NKAIN3: variants seen among roughly 807,000 people sequenced by gnomAD.
The protein encoded by NKAIN3 is sodium/potassium-transporting ATPase subunit beta-1-interacting protein 3.
Under a neutral mutation model 30.2 loss-of-function variants are expected in NKAIN3, and 25 were observed. The ratio of observed to expected loss-of-function variants is 0.83; its 90% CI spans 0.60 to 1.16. NKAIN3 has a LOEUF of 1.16. NKAIN3 is among the 50% of genes most tolerant of loss of function. NKAIN3 has a pLI of 0.00. For missense variants in NKAIN3, 225 were observed against 254.1 expected (o/e 0.89, Z 0.78); for synonymous variants, 91 against 89.6 (o/e 1.02, Z -0.09).
chr8:62,435,456 A>G (rs1805140134), intron 1 of NKAIN3, among the ~76,000 whole-genome samples: 1 of 152,070 alleles, frequency 6.6e-6, no homozygotes, highest in Non-Finnish European at 1.5e-5. Context: ...TAAAAATAAA[A>G]AGATGTAATC....
At chr8:62,462,680 T>C (rs1806034344) in intron 1 of NKAIN3, among the ~76,000 whole-genome samples, 1 of 152,136 alleles carries the variant, frequency 6.6e-6, no homozygotes, top group South Asian at 2.1e-4. Context: ...GAGACATATA[T>C]ATATTTACCT....
intron 1 of NKAIN3, among the ~76,000 whole-genome samples, chr8:62,465,555 T>TCCTA (rs1434688486): frequency 6.6e-6 from 1 of 152,242 alleles, no homozygotes; most frequent in Admixed American, 6.5e-5. Flanking sequence ...ATAGTCATTT[T>TCCTA]CCTATATTAA....
rs1167364403 is a variant in NKAIN3 at position 62,472,911 on chromosome 8, T to A, written c.55-106628T>A. ...AAGGTGCTCAAAGGGGAGACTTGAGTTTCTGCTGCATGAGCTGCACCAACA... is the reference window on the plus strand; with the variant it reads ...AAGGTGCTCAAAGGGGAGACTTGAGATTCTGCTGCATGAGCTGCACCAACA... On this transcript the variant is annotated intron_variant, in intron 1 of 6. Transcript: ENST00000623646. 2.0e-5 allele frequency among the ~76,000 whole-genome samples: 3 copies of A among 152,108 alleles called. No individual in the cohort carries two copies. The East Asian group carries it at 5.8e-4, about 29-fold the overall frequency.
chr8:62,389,932 C>G (rs1286537774), intron 1 of NKAIN3, among the ~76,000 whole-genome samples: 2 of 152,180 alleles, frequency 1.3e-5, no homozygotes, highest in Non-Finnish European at 2.9e-5. Context: ...CCAAACTGAA[C>G]AGAGAGCGTA....
intron 4 of NKAIN3, among the ~76,000 whole-genome samples, chr8:62,907,617 C>T (rs775048227): frequency 6.6e-6 from 1 of 152,138 alleles, no homozygotes; most frequent in Non-Finnish European, 1.5e-5. Flanking sequence ...TGGTGCCCTG[C>T]ATCCCAGTTG....
At position 62,763,259 on chromosome 8, in the gene NKAIN3, A is replaced by AAAAAAAAAAAAAAC. The variant is rs1563551311; in HGVS notation, c.471+16132_471+16133insAAAAAAAAAAACAA. Among the ~76,000 whole-genome samples the AAAAAAAAAAAAAAC allele has an allele frequency of 4.3e-5, 6 of 140,380 alleles. 1 individual carries two copies. The highest frequency in any genetic ancestry group is 1.7e-4 in the African/African-American group (6 of 36,094). The allele number at this position is 140,380 out of a possible 152,430, so 92.1% of individuals were successfully genotyped here. A position where few individuals can be genotyped will look rare whatever the true frequency, so the allele number is the denominator to read the frequency against. ...AAAAAAAAAAAAAAAAAAAAAAAAA[A>AAAAAAAAAAAAAAC]AACTTATATAGTCAGCCTAAAAAGA... On this transcript the variant is annotated intron_variant, in intron 4 of 6. Transcript: ENST00000623646.
chr8:62,275,071 T>G (rs1812897465), intron 1 of NKAIN3, among the ~76,000 whole-genome samples: 1 of 151,938 alleles, frequency 6.6e-6, no homozygotes, highest in Non-Finnish European at 1.5e-5. Context: ...TGCATGTGTT[T>G]TTATAGCAGC....
At chr8:62,498,041 TACATTGATTATGTTTGTAGATCACCATC>T (rs762607283) in intron 1 of NKAIN3, among the ~76,000 whole-genome samples, 8 of 152,180 alleles carry the variant, frequency 5.3e-5, no homozygotes, top group Non-Finnish European at 8.8e-5. Context: ...TTTACAAATG[TACATTGATTATGTTTGTAGATCACCATC>T]ACATCACAGG....
intron 4 of NKAIN3, among the ~76,000 whole-genome samples, chr8:62,805,782 A>C (rs1247206700): frequency 6.6e-6 from 1 of 152,190 alleles, no homozygotes; most frequent in Non-Finnish European, 1.5e-5. Context: ...CAATGGCAAC[A>C]AAAGCCAAAA....
chr8:62,870,861 G>C (rs1449261047), intron 4 of NKAIN3, among the ~76,000 whole-genome samples: 2 of 123,076 alleles, frequency 1.6e-5, no homozygotes, highest in Admixed American at 1.7e-4. Context: ...TTAGAGATGA[G>C]AAAGAATGGA....
chr8:62,742,154 C>T (rs1815923875), intron 3 of NKAIN3, among the ~76,000 whole-genome samples: 1 of 151,812 alleles, frequency 6.6e-6, no homozygotes, highest in African/African-American at 2.4e-5. Context: ...ATAGGTGATA[C>T]TCAGGACTAA....
chr8:62,645,966 C>T (rs910398281), intron 3 of NKAIN3, among the ~76,000 whole-genome samples: 4 of 152,122 alleles, frequency 2.6e-5, no homozygotes, highest in Admixed American at 2.0e-4. Flanking sequence ...TAATACTGCT[C>T]TCAAAATGTG....
At chr8:62,821,971 C>T (rs953798614) in intron 4 of NKAIN3, among the ~76,000 whole-genome samples, 19 of 151,520 alleles carry the variant, frequency 1.3e-4, no homozygotes, top group Admixed American at 7.9e-4. Flanking sequence ...AGCCTTGCTA[C>T]GGAAAAGCCT....
chr8:62,454,233 G>A (rs1352317942), intron 1 of NKAIN3, among the ~76,000 whole-genome samples: 1 of 141,090 alleles, frequency 7.1e-6, no homozygotes, highest in East Asian at 2.1e-4. Flanking sequence ...GCTTCCATGG[G>A]CCACATTGGG....
At chr8:62,384,462 A>G (rs1027754246) in intron 1 of NKAIN3, among the ~76,000 whole-genome samples, 13 of 152,186 alleles carry the variant, frequency 8.5e-5, no homozygotes, top group African/African-American at 3.1e-4. Flanking sequence ...CAAATATCTA[A>G]ATATATGCAT....
At chr8:62,846,694 T>A (rs1819699766) in intron 4 of NKAIN3, among the ~76,000 whole-genome samples, 1 of 152,166 alleles carries the variant, frequency 6.6e-6, no homozygotes, top group African/African-American at 2.4e-5. Context: ...TATTCTGTGG[T>A]ATACATTTAC....
rs375679673 is a variant in NKAIN3, at chr8:62,983,668, A to G, written c.*18261A>G. ...CCTCCTAGACCGCCCCATTCATCTG[A>G]GTAGTTAGGGCTCTGGATGAAGGAG... is the stretch of plus-strand genomic sequence containing the variant. On this transcript the variant is annotated 3_prime_UTR_variant, in exon 7 of 7. Coordinates refer to ENST00000623646, the MANE Select transcript of NKAIN3 (RefSeq NM_001304533.3). 5 of 152,312 alleles carry G rather than the reference A, an allele frequency of 3.3e-5. No individual in the cohort carries two copies. The highest frequency in any genetic ancestry group is 2.0e-4 in the Admixed American group (3 of 15,296). 9.4% of individuals were successfully genotyped at this position (152,312 alleles called of 1,614,324 possible). A position where few individuals can be genotyped will look rare whatever the true frequency, so the allele number is the denominator to read the frequency against.
At chr8:62,819,510 T>C (rs1266242378) in intron 4 of NKAIN3, among the ~76,000 whole-genome samples, 1 of 152,102 alleles carries the variant, frequency 6.6e-6, no homozygotes, top group Admixed American at 6.6e-5. Context: ...TTCATTTTAA[T>C]TTATTCTGAG....
At chr8:62,928,050 T>A (rs1425781895) in intron 5 of NKAIN3, among the ~76,000 whole-genome samples, 2 of 152,146 alleles carry the variant, frequency 1.3e-5, no homozygotes, top group Non-Finnish European at 2.9e-5. Context: ...TTCTCTAGAC[T>A]ATGTACTTTA....
Sources: allele counts gnomAD v4.1 joint callset (sites outside exome capture counted in the v4.1 genomes callset), GRCh38; gene constraint gnomAD v4.1.1; transcripts MANE v1.5; gene names NCBI Gene and HGNC (gene_info 2026-07-23, HGNC 2026-07-21).